Variants in BMP2K observed in about 807,000 individuals in gnomAD.
The protein encoded by BMP2K is BMP2 inducible kinase.
A neutral mutation model predicts 116.0 loss-of-function variants in BMP2K; 74 were observed. The ratio of observed to expected loss-of-function variants is 0.64; its 90% CI spans 0.53 to 0.77. The LOEUF (loss-of-function observed/expected upper bound fraction) is 0.77, where lower values mean the gene tolerates loss of function less well. Ranked by LOEUF, BMP2K falls within the 30% of genes least tolerant of loss-of-function variation. BMP2K has a pLI of 0.00. For synonymous variants in BMP2K, 486 were observed against 502.5 expected (o/e 0.97, Z 0.44); for missense variants, 1,365 against 1,403.6 (o/e 0.97, Z 0.44).
intron 1 of BMP2K, among the ~76,000 whole-genome samples, chr4:78,806,572 C>T (rs1290993287): frequency 1.3e-5 from 2 of 152,076 alleles, no homozygotes; most frequent in Non-Finnish European, 2.9e-5. Context: ...ATTGCTTGGG[C>T]TAGAATCTTC....
chr4:78,851,290 A>C (rs941228653), intron 7 of BMP2K, among the ~76,000 whole-genome samples: 2 of 152,092 alleles, frequency 1.3e-5, no homozygotes, highest in Admixed American at 6.6e-5. Flanking sequence ...AGTAGCACAC[A>C]CCAAGGGATA....
At chr4:78,788,005 G>A (rs1461204850) in intron 1 of BMP2K, among the ~76,000 whole-genome samples, 1 of 151,734 alleles carries the variant, frequency 6.6e-6, no homozygotes, top group African/African-American at 2.4e-5. Flanking sequence ...GGTTAGTTTA[G>A]GTTTTACTAT....
intron 14 of BMP2K, chr4:78,879,873 T>C (rs1732814579): frequency 6.6e-6 from 1 of 152,230 alleles, no homozygotes; most frequent in Admixed American, 6.5e-5. Context: ...TTGTATTTTA[T>C]ATATTGGTTA....
In BMP2K at chr4:78,826,059, C is replaced by G; in HGVS notation, c.201C>G (p.Leu67=). ...TAGGTGGATTCTCCACAGTTTTCCTCGTGCGTACTCACGGTGGAATCCGAT... is the reference window on the plus strand; with the variant it reads ...TAGGTGGATTCTCCACAGTTTTCCTGGTGCGTACTCACGGTGGAATCCGAT... ...LAEGGFSTVF[L]VRTHGGIRCA... is the part of the protein sequence containing the mutation. The change falls in exon 2 of 16, where the codon CTC becomes CTG. Residue 67 remains leucine (L), a synonymous_variant. Coordinates refer to ENST00000502613, the MANE Select transcript of BMP2K (RefSeq NM_198892.2). 7.4e-6 allele frequency: 12 copies of G among 1,613,626 alleles called. No homozygotes were observed. Among genetic ancestry groups the G allele is most frequent in the Admixed American group, 1.7e-5 (1 of 59,986 alleles).
chr4:78,879,846 T>G (rs918488855), intron 14 of BMP2K: 2 of 152,222 alleles, frequency 1.3e-5, no homozygotes, highest in Non-Finnish European at 2.9e-5. Flanking sequence ...CCTGTAAGAA[T>G]AGTTTGGGAT....
Position 78,847,023 on chromosome 4 carries a change from C to A in BMP2K, c.669-165C>A, listed in dbSNP as rs115547023. 6.5e-3 allele frequency among the ~76,000 whole-genome samples: 985 copies of A among 151,322 alleles called. 13 individuals carry two copies. Among genetic ancestry groups the A allele is most frequent in the African/African-American group, 0.023 (938 of 41,414 alleles). ...ATATAGATGCTTTGTATTGTTTAAT[C>A]CTTGACGGGTTTTTAATGAGTTTTT... On this transcript the variant is annotated intron_variant, in intron 5 of 15. Coordinates refer to ENST00000502613, the MANE Select transcript of BMP2K (RefSeq NM_198892.2).
chr4:78,779,571 T>C, intron 1 of BMP2K, among the ~76,000 whole-genome samples: 1 of 152,240 alleles, frequency 6.6e-6, no homozygotes, highest in East Asian at 1.9e-4. Context: ...TGTGCACATG[T>C]CTGCAATGAC....
intron 2 of BMP2K, among the ~76,000 whole-genome samples, chr4:78,826,492 C>T (rs1729881082): frequency 1.3e-5 from 2 of 152,004 alleles, no homozygotes; most frequent in South Asian, 2.1e-4. Context: ...TGTGAGCCAC[C>T]GTGCCTGGCC....
chr4:78,812,279 A>T (rs1362779584), intron 1 of BMP2K, among the ~76,000 whole-genome samples: 3 of 151,784 alleles, frequency 2.0e-5, no homozygotes, highest in Non-Finnish European at 2.9e-5. Flanking sequence ...TTTAATGGGA[A>T]TTTTTTTTTA....
chr4:78,780,629 A>T (rs1231013928), intron 1 of BMP2K, among the ~76,000 whole-genome samples: 1 of 151,950 alleles, frequency 6.6e-6, no homozygotes, highest in African/African-American at 2.4e-5. Flanking sequence ...AGAGGATAGA[A>T]AAAAGGGAAG....
At chr4:78,870,150 T>A (rs949203556) in intron 10 of BMP2K, among the ~76,000 whole-genome samples, 1 of 152,200 alleles carries the variant, frequency 6.6e-6, no homozygotes, top group African/African-American at 2.4e-5. Flanking sequence ...ATGGAGCTTA[T>A]AAATAAATAT....
Position 78,912,115 on chromosome 4 carries a change from G to T in BMP2K, c.*82G>T, listed in dbSNP as rs772588268. ...TATGAATTTGAAAGAAAATTTGGTA[G>T]CTCTTTATAGCATTCATTCTTAAAG... On this transcript the variant is annotated 3_prime_UTR_variant, in exon 16 of 16. Coordinates refer to ENST00000502613, the MANE Select transcript of BMP2K (RefSeq NM_198892.2). The T allele has an allele frequency of 1.2e-5, 14 of 1,214,050 alleles. No homozygotes were observed. The highest frequency in any genetic ancestry group is 1.6e-5 in the Non-Finnish European group (14 of 855,636). 75.2% of individuals were successfully genotyped at this position (1,214,050 alleles called of 1,614,324 possible).
At chr4:78,819,041 A>C (rs917639503) in intron 1 of BMP2K, among the ~76,000 whole-genome samples, 2 of 152,118 alleles carry the variant, frequency 1.3e-5, no homozygotes, top group Admixed American at 6.5e-5. Context: ...AAGCACTTCT[A>C]TGTATAATGC....
chr4:78,853,401 T>G (rs1020369845), intron 7 of BMP2K, among the ~76,000 whole-genome samples: 1 of 152,182 alleles, frequency 6.6e-6, no homozygotes, highest in Non-Finnish European at 1.5e-5. Context: ...TATTTAGAAC[T>G]TTTCTTAGCT....
chr4:78,857,406 G>A (rs1337420531), intron 7 of BMP2K, among the ~76,000 whole-genome samples: 1 of 152,046 alleles, frequency 6.6e-6, no homozygotes, highest in Non-Finnish European at 1.5e-5. Context: ...GATATGCTGT[G>A]CTTAACCTGA....
chr4:78,831,722 ATATTT>A (rs1434360903), intron 2 of BMP2K, among the ~76,000 whole-genome samples: 2 of 152,248 alleles, frequency 1.3e-5, no homozygotes, highest in Non-Finnish European at 2.9e-5. Context: ...AAAGTGAAAA[ATATTT>A]TAATAGGCCA....
chr4:78,837,120 G>A (rs1577913387), intron 3 of BMP2K, among the ~76,000 whole-genome samples: 1 of 151,514 alleles, frequency 6.6e-6, no homozygotes, highest in African/African-American at 2.4e-5. Context: ...ATTGTTGGAA[G>A]CCTTCCTCTA....
At position 78,844,976 on chromosome 4, in the gene BMP2K, T is replaced by C. The variant is rs1225146194; in HGVS notation, c.595T>C (p.Phe199Leu). The C allele has an allele frequency of 1.2e-6, 2 of 1,600,480 alleles. No homozygotes were observed. The highest frequency in any genetic ancestry group is 1.7e-6 in the Non-Finnish European group (2 of 1,169,122). ...TGGTGGGAACTATGTACTTTGTGAC[T>C]TTGGCAGTGCCACTAATAAATTTCT... ...NDGGNYVLCD[F>L]GSATNKFLNP... Residue 199 changes from phenylalanine (F) to leucine (L), a missense_variant, in exon 5 of 16, where the codon TTT becomes CTT. Phe to Leu is a conservative substitution (Grantham distance 22). Transcript: ENST00000502613.
intron 1 of BMP2K, among the ~76,000 whole-genome samples, chr4:78,813,972 T>C (rs530475924): frequency 6.6e-6 from 1 of 152,352 alleles, no homozygotes; most frequent in African/African-American, 2.4e-5. Flanking sequence ...ATTTAATATA[T>C]ATTGTTGAAT....
Sources: gnomAD v4.1 joint callset for allele counts (sites outside exome capture counted in the v4.1 genomes callset) on GRCh38, gnomAD v4.1.1 for gene constraint, MANE v1.5 for transcripts, NCBI Gene and HGNC (gene_info 2026-07-23, HGNC 2026-07-21) for gene names.